The following MYO3B variants were observed in gnomAD, a reference collection of about 807,000 sequenced individuals.
The protein encoded by MYO3B is myosin-IIIb.
MYO3B carries 156 observed loss-of-function variants against 174.6 expected under a neutral mutation model. That is an observed-to-expected ratio of 0.89 (90% CI 0.78 to 1.02). The LOEUF is 1.02. MYO3B is among the 50% of genes least tolerant of loss of function. The pLI is 0.00. For missense variants in MYO3B, 1,632 were observed against 1,639.4 expected, an observed-to-expected ratio of 1.00 and a Z score of 0.08; for synonymous variants, 563 against 569.1, an observed-to-expected ratio of 0.99 and a Z score of 0.15.
At chr2:170,198,897 A>G (rs2092630081) in intron 1 of MYO3B, among the ~76,000 whole-genome samples, 1 of 152,162 alleles carries the variant, frequency 6.6e-6, no homozygotes, top group Non-Finnish European at 1.5e-5. Flanking sequence ...GCCTATCAAG[A>G]CAACTGTCCA....
chr2:170,559,877 CCTGTTCTGTGAT>C (rs1426353620), intron 32 of MYO3B, among the ~76,000 whole-genome samples: 8 of 152,094 alleles, frequency 5.3e-5, no homozygotes, highest in African/African-American at 1.9e-4. Context: ...ACTAAAATTC[CCTGTTCTGTGAT>C]CTGTGTTCCT....
At chr2:170,372,281 T>C (rs2105699137) in intron 9 of MYO3B, among the ~76,000 whole-genome samples, 1 of 152,202 alleles carries the variant, frequency 6.6e-6, no homozygotes, top group Middle Eastern at 3.4e-3. Flanking sequence ...GTTAAGTGAG[T>C]CAATACATGT....
At chr2:170,401,174 A>G (rs1161428891) in intron 17 of MYO3B, among the ~76,000 whole-genome samples, 1 of 152,182 alleles carries the variant, frequency 6.6e-6, no homozygotes, top group Non-Finnish European at 1.5e-5. Flanking sequence ...GGCCTTTAAT[A>G]TATGAATGTA....
At chr2:170,520,276 T>C (rs1247410679) in intron 30 of MYO3B, among the ~76,000 whole-genome samples, 2 of 151,986 alleles carry the variant, frequency 1.3e-5, no homozygotes, top group Non-Finnish European at 2.9e-5. Context: ...CAGCCTCAGA[T>C]GTCAGTAGTC....
intron 7 of MYO3B, among the ~76,000 whole-genome samples, chr2:170,283,656 C>G (rs202112284): frequency 2.6e-5 from 4 of 151,516 alleles, no homozygotes; most frequent in African/African-American, 7.2e-5. Context: ...TGTAAAGCTA[C>G]AAGCCACTAA....
chr2:170,481,194 T>C (rs1378005477), intron 25 of MYO3B, among the ~76,000 whole-genome samples: 3 of 152,236 alleles, frequency 2.0e-5, no homozygotes, highest in Non-Finnish European at 4.4e-5. Context: ...TAGACTTCTT[T>C]TCTTTTCACC....
chr2:170,544,016 G>A (rs749151752), intron 32 of MYO3B, 28 bp downstream of exon 32: 21 of 1,513,854 alleles, frequency 1.4e-5, no homozygotes, highest in South Asian at 5.7e-5. Context: ...AATTGCATGC[G>A]GCTTCTACCA....
At chr2:170,197,017 G>C (rs4531905) in intron 1 of MYO3B, among the ~76,000 whole-genome samples, 3 of 143,278 alleles carry the variant, frequency 2.1e-5, no homozygotes, top group African/African-American at 7.4e-5. Flanking sequence ...TATCTTTTCA[G>C]GTTTTTTTTT....
chr2:170,559,369 A>C (rs990987895), intron 32 of MYO3B, among the ~76,000 whole-genome samples: 5 of 152,214 alleles, frequency 3.3e-5, no homozygotes, highest in African/African-American at 1.2e-4. Flanking sequence ...TGTAGACTGT[A>C]AAGTCTATTA....
intron 28 of MYO3B, among the ~76,000 whole-genome samples, chr2:170,505,026 G>A (rs1687533116): frequency 6.6e-6 from 1 of 152,136 alleles, no homozygotes; most frequent in Non-Finnish European, 1.5e-5. Flanking sequence ...TACATGAGCT[G>A]GTGGTCTAGA....
At chr2:170,481,273 T>C (rs1310225749) in intron 25 of MYO3B, among the ~76,000 whole-genome samples, 1 of 152,254 alleles carries the variant, frequency 6.6e-6, no homozygotes, top group East Asian at 1.9e-4. Flanking sequence ...CTAGTACATC[T>C]GCAGCAAAGT....
At chr2:170,234,548 C>T (rs1416058476) in intron 6 of MYO3B, among the ~76,000 whole-genome samples, 1 of 152,196 alleles carries the variant, frequency 6.6e-6, no homozygotes, top group Non-Finnish European at 1.5e-5. Context: ...CATGTTCAGA[C>T]CATAGCAGTT....
intron 32 of MYO3B, among the ~76,000 whole-genome samples, chr2:170,579,957 A>G (rs534639352): frequency 1.7e-4 from 26 of 152,394 alleles, no homozygotes; most frequent in African/African-American, 6.3e-4. Flanking sequence ...CTACTCTGCT[A>G]TCTAAGAACA....
chr2:170,424,160 C>G (rs1435299266), intron 22 of MYO3B, among the ~76,000 whole-genome samples: 2 of 152,150 alleles, frequency 1.3e-5, no homozygotes, highest in Non-Finnish European at 2.9e-5. Context: ...GTGAGAAGCA[C>G]CTTGAGGGTC....
intron 7 of MYO3B, among the ~76,000 whole-genome samples, chr2:170,254,162 T>C (rs1043838093): frequency 2.6e-5 from 4 of 151,966 alleles, no homozygotes; most frequent in African/African-American, 9.7e-5. Context: ...TCTGTGGCAC[T>C]ACACTCCCGC....
intron 6 of MYO3B, among the ~76,000 whole-genome samples, chr2:170,220,092 AC>A (rs1210531417): frequency 6.6e-6 from 1 of 151,634 alleles, no homozygotes; most frequent in Non-Finnish European, 1.5e-5. Flanking sequence ...CCCTGTCTCT[AC>A]TAAAAATACA....
chr2:170,609,023 A>G (rs1017685817), intron 32 of MYO3B, among the ~76,000 whole-genome samples: 4 of 152,366 alleles, frequency 2.6e-5, no homozygotes, highest in Non-Finnish European at 4.4e-5. Flanking sequence ...TTAAATTTTC[A>G]TAAATACAGA....
Position 170,379,263 on chromosome 2 carries a change from C to T in MYO3B, c.972-2753C>T, listed in dbSNP as rs150328519. 2.0e-3 allele frequency among the ~76,000 whole-genome samples: 296 copies of T among 148,460 alleles called. 1 individual carries two copies. The highest frequency in any genetic ancestry group is 4.2e-3 in the African/African-American group (171 of 40,276). On this transcript the variant is annotated intron_variant, in intron 9 of 34. Transcript: ENST00000408978. ...AGGTTGGCATGCAGTGGCTTGATCT[C>T]GGCTCACTGCAACCTCTGCCTCCCG...
chr2:170,630,121 G>C (rs1472655333), intron 32 of MYO3B, among the ~76,000 whole-genome samples: 1 of 152,234 alleles, frequency 6.6e-6, no homozygotes, highest in Admixed American at 6.5e-5. Flanking sequence ...CACCTGAGAA[G>C]CACAAGGGAT....
Sources: gnomAD v4.1 joint callset for allele counts (sites outside exome capture counted in the v4.1 genomes callset) on GRCh38, gnomAD v4.1.1 for gene constraint, MANE v1.5 for transcripts, NCBI Gene and HGNC (gene_info 2026-07-23, HGNC 2026-07-21) for gene names.